ADGRB3: variants seen among roughly 807,000 people sequenced by gnomAD.
ADGRB3 encodes the protein adhesion G protein-coupled receptor B3.
Under a neutral mutation model 193.4 loss-of-function variants are expected in ADGRB3, and 37 were observed. The ratio of observed to expected loss-of-function variants is 0.19; its 90% CI spans 0.15 to 0.25. The LOEUF (loss-of-function observed/expected upper bound fraction) is 0.25. Ranked by LOEUF, ADGRB3 falls within the 10% of genes least tolerant of loss-of-function variation. ADGRB3 has a pLI of 1.00. For synonymous variants in ADGRB3, 690 were observed against 644.2 expected (o/e 1.07, Z -1.08); for missense variants, 1,637 against 1,852.9 (o/e 0.88, Z 2.14).
At chr6:69,142,924 G>A (rs963409393) in intron 17 of ADGRB3, among the ~76,000 whole-genome samples, 3 of 152,118 alleles carry the variant, frequency 2.0e-5, no homozygotes, top group African/African-American at 7.2e-5. Context: ...ATGCCCAGGA[G>A]TGGAATTGCT....
chr6:69,071,199 T>C (rs1453177252), intron 16 of ADGRB3, among the ~76,000 whole-genome samples: 2 of 152,202 alleles, frequency 1.3e-5, no homozygotes, highest in East Asian at 3.9e-4. Flanking sequence ...TTCTGCACTT[T>C]GTGAGGGTAA....
At chr6:69,312,083 G>A (rs551757825) in intron 20 of ADGRB3, among the ~76,000 whole-genome samples, 1 of 151,682 alleles carries the variant, frequency 6.6e-6, no homozygotes, top group Non-Finnish European at 1.5e-5. Flanking sequence ...TTCTGCCAAT[G>A]GAAGTGGAGC....
At chr6:68,721,310 G>A (rs944965905) in intron 3 of ADGRB3, among the ~76,000 whole-genome samples, 2 of 151,804 alleles carry the variant, frequency 1.3e-5, no homozygotes, top group Non-Finnish European at 2.9e-5. Flanking sequence ...AAAAGGATGA[G>A]TTCACGTCCT....
At chr6:68,733,846 G>T (rs12192235) in intron 3 of ADGRB3, among the ~76,000 whole-genome samples, 62,927 of 151,168 alleles carry the variant, frequency 0.42, 13,716 homozygotes, top group East Asian at 0.65. Context: ...GAATGTACAT[G>T]ACAAGAATGT....
chr6:69,379,866 A>G (rs1769908978), intron 30 of ADGRB3, among the ~76,000 whole-genome samples: 1 of 151,962 alleles, frequency 6.6e-6, no homozygotes, highest in African/African-American at 2.4e-5. Flanking sequence ...AGGGCCCCAT[A>G]TTTCAGCATA....
chr6:69,270,369 C>T (rs1000910169), intron 20 of ADGRB3, among the ~76,000 whole-genome samples: 12 of 152,146 alleles, frequency 7.9e-5, no homozygotes, highest in African/African-American at 2.6e-4. Flanking sequence ...TCTTATTTGG[C>T]CAGTGTCTCT....
chr6:68,957,568 G>A (rs1188312927), intron 8 of ADGRB3, among the ~76,000 whole-genome samples: 1 of 152,174 alleles, frequency 6.6e-6, no homozygotes, highest in Non-Finnish European at 1.5e-5. Context: ...AGAATTTGAA[G>A]ACCCACTTAG....
intron 8 of ADGRB3, among the ~76,000 whole-genome samples, chr6:68,972,310 C>T (rs1182435329): frequency 1.3e-5 from 2 of 152,064 alleles, no homozygotes; most frequent in African/African-American, 2.4e-5. Flanking sequence ...GTGACAAATC[C>T]AGTTCTTGTG....
chr6:69,338,929 C>T lies in ADGRB3; in HGVS notation c.3202C>T (p.Pro1068Ser), dbSNP rs769568957. ...GTTTGTTTGCAGTCAGATGAGTGAG[C>T]CTCATAGCGGTTTGACGCTCAAATG... ...LKHRAGQMSE[P>S]HSGLTLKCAK... The change falls in exon 25 of 32, where the codon CCT (proline) becomes TCT (serine). Residue 1068 changes from proline (P) to serine (S), a missense_variant. By Grantham distance (74) the Pro-to-Ser change is moderately conservative (BLOSUM62 -1). Around this residue, in one of 7 missense-constraint regions of ADGRB3, gnomAD observed 56 missense variants for 53.3 expected, o/e 1.05. Transcript: ENST00000370598. 8.1e-6 allele frequency: 13 copies of T among 1,613,446 alleles called. No individual in the cohort carries two copies. Among genetic ancestry groups the T allele is most frequent in the Non-Finnish European group, 1.1e-5 (13 of 1,179,724 alleles).
chr6:69,288,221 C>T (rs1158507015), intron 20 of ADGRB3, among the ~76,000 whole-genome samples: 1 of 152,084 alleles, frequency 6.6e-6, no homozygotes, highest in African/African-American at 2.4e-5. Flanking sequence ...TAACAGGCCC[C>T]GGGGTGTGAT....
chr6:68,827,517 T>C (rs967914863), intron 3 of ADGRB3, among the ~76,000 whole-genome samples: 4 of 151,610 alleles, frequency 2.6e-5, no homozygotes, highest in African/African-American at 9.7e-5. Context: ...ACTGATAATA[T>C]GGGAGAGAGA....
chr6:69,028,850 T>C (rs930059043), intron 13 of ADGRB3, among the ~76,000 whole-genome samples: 2 of 152,304 alleles, frequency 1.3e-5, no homozygotes, highest in African/African-American at 4.8e-5. Flanking sequence ...ATTTGTTTTT[T>C]CCCCTTTTAT....
chr6:68,694,304 T>C (rs1368685924), intron 3 of ADGRB3, among the ~76,000 whole-genome samples: 1 of 152,056 alleles, frequency 6.6e-6, no homozygotes, highest in Non-Finnish European at 1.5e-5. Context: ...ATGAATATAA[T>C]TTTATTTCCT....
chr6:68,941,855 A>T (rs994304618), intron 5 of ADGRB3, among the ~76,000 whole-genome samples: 15 of 151,180 alleles, frequency 9.9e-5, no homozygotes, highest in Admixed American at 5.3e-4. Context: ...GAATATTTAT[A>T]TATGTGGGTA....
intron 17 of ADGRB3, among the ~76,000 whole-genome samples, chr6:69,154,859 C>T (rs2150342529): frequency 6.6e-6 from 1 of 152,308 alleles, no homozygotes; most frequent in South Asian, 2.1e-4. Flanking sequence ...TTGATTTATT[C>T]ATTCAAGCAA....
intron 8 of ADGRB3, among the ~76,000 whole-genome samples, chr6:68,969,329 CCATGGGTTT>C (rs1768487851): frequency 6.6e-6 from 1 of 152,104 alleles, no homozygotes; most frequent in African/African-American, 2.4e-5. Context: ...ATAAGAATAT[CCATGGGTTT>C]CACATCTGTG....
Position 69,324,866 on chromosome 6 carries a change from C to T in ADGRB3, c.2815-6C>T. 1 of 1,612,486 alleles carries T rather than the reference C, an allele frequency of 6.2e-7. No homozygotes were observed. Among genetic ancestry groups the T allele is most frequent in the Admixed American group, 1.7e-5 (1 of 59,844 alleles). ...TGTGAGTCTTTTTGTTTGTTTGTTT[C>T]CACAGAGTATCTGCACAACCACCAC... On this transcript the variant is annotated splice_region_variant and splice_polypyrimidine_tract_variant and intron_variant, in intron 20 of 31. Coordinates refer to ENST00000370598, the MANE Select transcript of ADGRB3 (RefSeq NM_001704.3).
chr6:69,043,947 A>G (rs542471676), intron 13 of ADGRB3, among the ~76,000 whole-genome samples: 1 of 152,078 alleles, frequency 6.6e-6, no homozygotes, highest in Non-Finnish European at 1.5e-5. Context: ...AGACTGGGGG[A>G]GGAGAATGGC....
chr6:68,869,150 T>C (rs1331343758), intron 3 of ADGRB3, among the ~76,000 whole-genome samples: 3 of 152,256 alleles, frequency 2.0e-5, no homozygotes, highest in South Asian at 2.1e-4. Context: ...GATGCTTGCA[T>C]TTCAATTATT....
Sources: gnomAD v4.1 joint callset for allele counts (sites outside exome capture counted in the v4.1 genomes callset) on GRCh38, gnomAD v4.1.1 for gene constraint, gnomAD v4.1.1 regional missense constraint, MANE v1.5 for transcripts, NCBI Gene and HGNC (gene_info 2026-07-23, HGNC 2026-07-21) for gene names.